The following MTERF1 variants were observed in gnomAD, a reference collection of about 807,000 sequenced individuals.
The protein encoded by MTERF1 is transcription termination factor 1, mitochondrial.
MTERF1 carries 29 observed loss-of-function variants against 31.6 expected under a neutral mutation model. The ratio of observed to expected loss-of-function variants is 0.92; its 90% CI spans 0.68 to 1.25. The LOEUF (loss-of-function observed/expected upper bound fraction) is 1.25, where lower values mean the gene tolerates loss of function less well. MTERF1 is among the 50% of genes most tolerant of loss of function. The pLI is 0.00. For synonymous variants in MTERF1, 152 were observed against 164.1 expected (o/e 0.93, Z 0.57); for missense variants, 500 against 469.1 (o/e 1.07, Z -0.61).
At position 91,873,589 on chromosome 7, in the gene MTERF1, CA is replaced by C; in HGVS notation, c.*4del. On this transcript the variant is annotated 3_prime_UTR_variant, in exon 3 of 3. Transcript: ENST00000351870. The stretch of plus-strand genomic sequence containing the variant: ...AGTTCCTGAGAATTAAAAACATTGG[CA>C]TCCTTAGGCAAATCTGCTTAACTTT... The C allele has an allele frequency of 6.3e-7, 1 of 1,585,002 alleles. No individual in the cohort carries two copies. The highest frequency in any genetic ancestry group is 8.6e-7 in the Non-Finnish European group (1 of 1,167,756).
At chr7:91,879,976 G>T in intron 2 of MTERF1, 79 bp downstream of exon 2, 2 of 1,519,386 alleles carry the variant, frequency 1.3e-6, no homozygotes, top group Non-Finnish European at 1.8e-6. Context: ...CTAATCACTG[G>T]CCCTAAAATA....
At chr7:91,880,451 C>A (rs777680991) in intron 1 of MTERF1, 1 of 224,554 alleles carries the variant, frequency 4.5e-6, no homozygotes, top group Non-Finnish European at 9.0e-6. Flanking sequence ...TACTAGCCTG[C>A]CTTCGCTAGC....
chr7:91,874,102 G>A lies in MTERF1; in HGVS notation c.692C>T (p.Ala231Val), dbSNP rs771648811. 5.0e-6 allele frequency: 8 copies of A among 1,613,992 alleles called. No homozygotes were observed. The East Asian group carries it at 8.9e-5, about 18-fold the overall frequency. ...AGLSLGHNDP[A>V]DFVRKIIFKN... ...AAAAATTATCTTTCTGACAAAATCTGCGGGATCATTGTGACCCAATGACAA... is the reference window on the plus strand; with the variant it reads ...AAAAATTATCTTTCTGACAAAATCTACGGGATCATTGTGACCCAATGACAA... The change falls in exon 3 of 3, where the codon GCA (alanine) becomes GTA (valine). Residue 231 changes from alanine to valine, a missense_variant. Transcript: ENST00000351870.
chr7:91,874,631 A>G lies in MTERF1; in HGVS notation c.163T>C (p.Phe55Leu). Residue 55 changes from phenylalanine (F) to leucine (L), a missense_variant, in exon 3 of 3, where the codon TTT becomes CTT. Transcript: ENST00000351870. ...SAENIFKSVS[F>L]RLFGVKCHNT... is the part of the protein sequence containing the mutation. ...TGACACTTCACACCAAAAAGCCTAAATGAAACTGATTTGAAGATGTTTTCT... is the reference window on the plus strand; with the variant it reads ...TGACACTTCACACCAAAAAGCCTAAGTGAAACTGATTTGAAGATGTTTTCT... 6.2e-7 allele frequency: 1 copy of G among 1,614,138 alleles called. No homozygotes were observed. Among genetic ancestry groups the G allele is most frequent in the Non-Finnish European group, 8.5e-7 (1 of 1,180,026 alleles).
At chr7:91,878,930 G>A (rs1294739722) in intron 2 of MTERF1, among the ~76,000 whole-genome samples, 1 of 152,028 alleles carries the variant, frequency 6.6e-6, no homozygotes, top group African/African-American at 2.4e-5. Context: ...TGAGATGTTG[G>A]CCAGGAGTTT....
Position 91,874,162 on chromosome 7 carries a change from T to C in MTERF1, c.632A>G (p.Asn211Ser), listed in dbSNP as rs1409590704. 6.2e-7 allele frequency: 1 copy of C among 1,614,192 alleles called. No homozygotes were observed. The highest frequency in any genetic ancestry group is 1.7e-5 in the Admixed American group (1 of 60,004). The change falls in exon 3 of 3, where the codon AAT becomes AGT. Residue 211 changes from asparagine to serine, a missense_variant. By Grantham distance (46) the Asn-to-Ser change is conservative (BLOSUM62 1). Transcript: ENST00000351870. ...PRTFSNSLDL[N>S]KQMVEFLQAA... ...CTGCAAAAATTCAACCATCTGTTTA[T>C]TCAGATCAAGACTATTGGAGAAGGT...
chr7:91,871,189 T>C lies in MTERF1; in HGVS notation c.*2405A>G, dbSNP rs372570292. 1 of 152,584 alleles carries C rather than the reference T, an allele frequency of 6.6e-6. No individual in the cohort carries two copies. Among genetic ancestry groups the C allele is most frequent in the Admixed American group, 6.5e-5 (1 of 15,312 alleles). The allele number at this position is 152,584 out of a possible 1,614,324, so 9.5% of individuals were successfully genotyped here. The stretch of plus-strand genomic sequence containing the variant: ...CTGACAGGCATTATCTGTTTGTTTC[T>C]CCAAAGTTTTCCTTCCCCCATCCCC... On this transcript the variant is annotated 3_prime_UTR_variant, in exon 3 of 3. Transcript: ENST00000351870.
Position 91,873,250 on chromosome 7 carries a change from T to C in MTERF1, c.*344A>G, listed in dbSNP as rs937788760. 1 of 177,288 alleles carries C rather than the reference T, an allele frequency of 5.6e-6. No individual in the cohort carries two copies. Among genetic ancestry groups the C allele is most frequent in the African/African-American group, 2.4e-5 (1 of 42,230 alleles). The allele number at this position is 177,288 out of a possible 1,614,324, so 11.0% of individuals were successfully genotyped here. ...AAGGTGCCAGCAAGGCTGCATTCCT[T>C]TCTGGGGACTCTAATGGAGAATCTG... On this transcript the variant is annotated 3_prime_UTR_variant, in exon 3 of 3. Transcript: ENST00000351870.
intron 1 of MTERF1, 28 bp from the exon 2 acceptor site, chr7:91,880,141 A>C: frequency 6.3e-7 from 1 of 1,591,568 alleles, no homozygotes; most frequent in Non-Finnish European, 8.6e-7. Flanking sequence ...ACACAAAAAA[A>C]AGGCAAAATA....
rs745726879 is a variant in MTERF1, at chr7:91,873,625, G to A, written c.1169C>T (p.Ala390Val). 26 of 1,607,004 alleles carry A rather than the reference G, an allele frequency of 1.6e-5. No individual in the cohort carries two copies. The highest frequency in any genetic ancestry group is 2.0e-5 in the Non-Finnish European group (24 of 1,177,730). Residue 390 changes from alanine to valine, a missense_variant, in exon 3 of 3, where the codon GCT becomes GTT. Coordinates refer to ENST00000351870, the MANE Select transcript of MTERF1 (RefSeq NM_006980.5). ...LLSWSKKRYE[A>V]KLKKLSRFA is the part of the protein sequence containing the mutation. ...AAATCTGCTTAACTTTTTCAATTTA[G>A]CTTCATATCTTTTTTTACTCCAAGA...
In MTERF1 at chr7:91,872,213, CTG is replaced by C. The variant is rs750273756; in HGVS notation, c.*1379_*1380del. On this transcript the variant is annotated 3_prime_UTR_variant, in exon 3 of 3. Coordinates refer to ENST00000351870, the MANE Select transcript of MTERF1 (RefSeq NM_006980.5). ...TGCACAACTCTATATATAAATTGAA[CTG>C]TGTTAGACTTTAAATAGGTAAATTG... The C allele has an allele frequency of 7.2e-5, 11 of 152,308 alleles. No individual in the cohort carries two copies. Among genetic ancestry groups the C allele is most frequent in the South Asian group, 6.2e-4 (3 of 4,830 alleles). 9.4% of individuals were successfully genotyped at this position (152,308 alleles called of 1,614,324 possible).
intron 2 of MTERF1, among the ~76,000 whole-genome samples, chr7:91,878,793 C>T (rs148079075): frequency 6.6e-6 from 1 of 152,236 alleles, no homozygotes; most frequent in East Asian, 1.9e-4. Context: ...CATAATCTAG[C>T]CACTGCACCC....
intron 2 of MTERF1, among the ~76,000 whole-genome samples, chr7:91,877,522 T>C (rs922849512): frequency 2.0e-5 from 3 of 152,218 alleles, no homozygotes; most frequent in African/African-American, 4.8e-5. Context: ...TAAGAGTCAT[T>C]TGTGATAAAA....
chr7:91,874,548 C>T lies in MTERF1; in HGVS notation c.246G>A (p.Met82Ile). 1 of 1,614,066 alleles carries T rather than the reference C, an allele frequency of 6.2e-7. No individual in the cohort carries two copies. The highest frequency in any genetic ancestry group is 8.5e-7 in the Non-Finnish European group (1 of 1,180,002). Residue 82 changes from methionine to isoleucine, a missense_variant, in exon 3 of 3, where the codon ATG (methionine) becomes ATA (isoleucine). By Grantham distance (10) the Met-to-Ile change is conservative. Coordinates refer to ENST00000351870, the MANE Select transcript of MTERF1 (RefSeq NM_006980.5). Reference protein sequence around the residue: ...NEDLLKNLLTMGVDIDMARKR... With the variant: ...NEDLLKNLLTIGVDIDMARKR... ...TCCTTGCCATGTCAATATCTACTCC[C>T]ATAGTAAGTAAGTTTTTCAGTAGGT... is the stretch of plus-strand genomic sequence containing the variant.
chr7:91,873,711 A>C lies in MTERF1; in HGVS notation c.1083T>G (p.Ser361Arg), dbSNP rs538481449. ...VLDSSISTLK[S>R]RIKELVNAGC... The stretch of plus-strand genomic sequence containing the variant: ...CAGCATTTACCAATTCTTTGATTCG[A>C]CTTTTTAAAGTACTTATGCTTGAAT... Residue 361 changes from serine to arginine, a missense_variant, in exon 3 of 3, where the codon AGT becomes AGG. By Grantham distance (110) the Ser-to-Arg change is moderately radical. Coordinates refer to ENST00000351870, the MANE Select transcript of MTERF1 (RefSeq NM_006980.5). The C allele has an allele frequency of 6.2e-7, 1 of 1,614,122 alleles. No homozygotes were observed. The highest frequency in any genetic ancestry group is 8.5e-7 in the Non-Finnish European group (1 of 1,180,012).
At chr7:91,880,490 G>A (rs1455939625) in intron 1 of MTERF1, 167 bp downstream of exon 1, 1 of 199,354 alleles carries the variant, frequency 5.0e-6, no homozygotes, top group Admixed American at 5.4e-5. Context: ...ACCCAGGTGG[G>A]TCTTTCTTAA....
Position 91,874,832 on chromosome 7 carries a change from A to C in MTERF1, c.30-68T>G, listed in dbSNP as rs1789303925. 3 of 1,117,686 alleles carry C rather than the reference A, an allele frequency of 2.7e-6. No individual in the cohort carries two copies. In the Admixed American group the frequency reaches 7.2e-5, roughly 27 times the overall value. 69.2% of individuals were successfully genotyped at this position (1,117,686 alleles called of 1,614,324 possible). On this transcript the variant is annotated intron_variant, in intron 2 of 2. Transcript: ENST00000351870. ...TAAACAACTAAATGACCATATTACA[A>C]TCCTATAAGCATCATGGTCATTTCT... is the stretch of plus-strand genomic sequence containing the variant.
At position 91,874,672 on chromosome 7, in the gene MTERF1, A is replaced by G; in HGVS notation, c.122T>C (p.Met41Thr). The G allele has an allele frequency of 1.9e-6, 3 of 1,614,152 alleles. No homozygotes were observed. Among genetic ancestry groups the G allele is most frequent in the Non-Finnish European group, 2.5e-6 (3 of 1,180,018 alleles). ...NNFLFGSRCW[M>T]TRFSAENIFK... ...GATGTTTTCTGCTGAAAATCGAGTC[A>G]TCCAACATCTTGAACCAAAGAGAAA... Residue 41 changes from methionine (M) to threonine (T), a missense_variant, in exon 3 of 3, where the codon ATG becomes ACG. Coordinates refer to ENST00000351870, the MANE Select transcript of MTERF1 (RefSeq NM_006980.5).
At position 91,874,365 on chromosome 7, in the gene MTERF1, C is replaced by T. The variant is rs1301136104; in HGVS notation, c.429G>A (p.Trp143Ter). 6.2e-7 allele frequency: 1 copy of T among 1,613,924 alleles called. No homozygotes were observed. The highest frequency in any genetic ancestry group is 1.1e-5 in the South Asian group (1 of 91,076). Reference protein sequence around the residue: ...TRTPENLSKRWDLWRKIVTSD... With the variant: ...TRTPENLSKR ...ATGTCACAATCTTTCTCCACAGATC[C>T]CACCGTTTTGAAAGATTCTCGGGAG... Residue 143 changes from tryptophan (W) to a stop codon, truncating the protein, a stop_gained, in exon 3 of 3, where the codon TGG (tryptophan) becomes TGA (stop). Transcript: ENST00000351870. LOFTEE classifies it high-confidence loss of function.
Sources: allele counts gnomAD v4.1 joint callset (sites outside exome capture counted in the v4.1 genomes callset), GRCh38; gene constraint gnomAD v4.1.1; transcripts MANE v1.5; gene names NCBI Gene and HGNC (gene_info 2026-07-23, HGNC 2026-07-21).